The following CYP46A1 variants were observed in gnomAD, a reference collection of about 807,000 sequenced individuals.
CYP46A1 encodes cholesterol 24-hydroxylase.
In CYP46A1, 20 loss-of-function variants were observed where a neutral mutation model predicts 63.3. The observed-to-expected ratio is 0.32, with a 90% CI of 0.22 to 0.46. The LOEUF is 0.46. Among genes scored for constraint, CYP46A1 ranks in the 20% least tolerant of loss-of-function variants. The pLI is 1.00. For synonymous variants in CYP46A1, 268 were observed against 273.6 expected, an observed-to-expected ratio of 0.98 and a Z score of 0.20; for missense variants, 445 against 670.8, an observed-to-expected ratio of 0.66 and a Z score of 3.72.
intron 7 of CYP46A1, among the ~76,000 whole-genome samples, chr14:99,714,701 A>T (rs1199925521): frequency 6.6e-6 from 1 of 151,200 alleles, no homozygotes; most frequent in Non-Finnish European, 1.5e-5. Context: ...TGGAGGTTGC[A>T]GTGAGCTGAG....
At chr14:99,689,990 G>A (rs1197060142) in intron 1 of CYP46A1, among the ~76,000 whole-genome samples, 2 of 152,146 alleles carry the variant, frequency 1.3e-5, no homozygotes, top group Non-Finnish European at 2.9e-5. Context: ...GACCCACCTT[G>A]TACTCTGTTT....
In CYP46A1 at chr14:99,707,592, A is replaced by G. The variant is rs1304479417; in HGVS notation, c.607A>G (p.Met203Val). ...GGCAGCTTTTGGGATGGAGACCAGT[A>G]TGCTGCTGGGTGCCCAGAAGCCTCT... ...AKAAFGMETS[M>V]LLGAQKPLSQ... The change falls in exon 7 of 15, where the codon ATG becomes GTG. Residue 203 changes from methionine to valine, a missense_variant. Physicochemically the swap from Met to Val is conservative, Grantham distance 21. Around this residue, in one of 4 missense-constraint regions of CYP46A1, gnomAD observed 252 missense variants for 383.3 expected, o/e 0.66. Transcript: ENST00000261835. 3.1e-6 allele frequency: 5 copies of G among 1,613,968 alleles called. No homozygotes were observed. Among genetic ancestry groups the G allele is most frequent in the Non-Finnish European group, 3.4e-6 (4 of 1,179,990 alleles).
At chr14:99,705,134 A>T (rs1431174130) in intron 5 of CYP46A1, among the ~76,000 whole-genome samples, 1 of 152,236 alleles carries the variant, frequency 6.6e-6, no homozygotes, top group Non-Finnish European at 1.5e-5. Flanking sequence ...CCCCAGGCTC[A>T]CCTGCTGCCA....
intron 3 of CYP46A1, among the ~76,000 whole-genome samples, chr14:99,692,411 C>T (rs1311121966): frequency 3.3e-5 from 5 of 152,118 alleles, no homozygotes; most frequent in Admixed American, 3.3e-4. Flanking sequence ...TGGTGGCAGG[C>T]ACCTGTAATA....
At chr14:99,726,120 G>A (rs2056893953) in intron 13 of CYP46A1, 70 bp from the exon 14 acceptor site, 4 of 1,405,070 alleles carry the variant, frequency 2.8e-6, no homozygotes, top group South Asian at 2.3e-5. Context: ...GTTAACTACT[G>A]TCTTCCTTAT....
chr14:99,696,267 T>TATTG (rs1322793803), intron 3 of CYP46A1, among the ~76,000 whole-genome samples: 1 of 152,154 alleles, frequency 6.6e-6, no homozygotes, highest in South Asian at 2.1e-4. Context: ...ACTATTGTCT[T>TATTG]ATTGATTGAT....
At position 99,722,472 on chromosome 14, in the gene CYP46A1, T is replaced by G. The variant is rs915311879; in HGVS notation, c.1176+406T>G. ...TCTCTCTCGGCTTTCTCCCCAGACC[T>G]CCTTTATTTTGTGTCTCTTTGTTTG... On this transcript the variant is annotated intron_variant, in intron 12 of 14. Coordinates refer to ENST00000261835, the MANE Select transcript of CYP46A1 (RefSeq NM_006668.2). This position sits in a 1 kb window ranked among gnomAD's most constrained non-coding sequence, Gnocchi z 4.6. 6.6e-6 allele frequency among the ~76,000 whole-genome samples: 1 copy of G among 152,118 alleles called. No individual in the cohort carries two copies. The highest frequency in any genetic ancestry group is 2.4e-5 in the African/African-American group (1 of 41,416).
chr14:99,723,426 G>A (rs554797416), intron 12 of CYP46A1, among the ~76,000 whole-genome samples: 34 of 152,042 alleles, frequency 2.2e-4, no homozygotes, highest in Admixed American at 1.3e-3. Flanking sequence ...CTCGTGCCTC[G>A]GCCTCCCGAG....
chr14:99,725,236 G>A lies in CYP46A1; in HGVS notation c.1177-155G>A, dbSNP rs2056884912. On this transcript the variant is annotated intron_variant, in intron 12 of 14. Transcript: ENST00000261835. The surrounding 1 kb of genome is among the most constrained non-coding windows in gnomAD (Gnocchi z 4.2). ...TTAAGGGATTTTCTAGGGGGCCAGTGCAATGGACACCAACCTAGATGAGGG... is the reference window on the plus strand; with the variant it reads ...TTAAGGGATTTTCTAGGGGGCCAGTACAATGGACACCAACCTAGATGAGGG... 6.6e-6 allele frequency among the ~76,000 whole-genome samples: 1 copy of A among 152,136 alleles called. No homozygotes were observed. Among genetic ancestry groups the A allele is most frequent in the African/African-American group, 2.4e-5 (1 of 41,434 alleles).
intron 7 of CYP46A1, among the ~76,000 whole-genome samples, chr14:99,713,660 C>T (rs2056756696): frequency 6.6e-6 from 1 of 151,982 alleles, no homozygotes; most frequent in South Asian, 2.1e-4. Flanking sequence ...AGGCAGATCA[C>T]TTGAGGGCAG....
Position 99,726,709 on chromosome 14 carries a change from C to A in CYP46A1, c.1485C>A (p.Pro495=). 6 of 1,535,456 alleles carry A rather than the reference C, an allele frequency of 3.9e-6. No homozygotes were observed. Among genetic ancestry groups the A allele is most frequent in the Non-Finnish European group, 4.4e-6 (5 of 1,139,582 alleles). ...GGCCCCGCGGCTGGCAGCCCGCACCCCCACCACCCCCCTGCTGAGGGGGCC... is the reference window on the plus strand; with the variant it reads ...GGCCCCGCGGCTGGCAGCCCGCACCACCACCACCCCCCTGCTGAGGGGGCC... The part of the protein sequence containing the change: ...TLRPRGWQPA[P]PPPPC The change falls in exon 15 of 15, where the codon CCC becomes CCA. Residue 495 remains proline, a synonymous_variant. Transcript: ENST00000261835.
intron 10 of CYP46A1, among the ~76,000 whole-genome samples, chr14:99,719,929 T>A (rs7143049): frequency 0.046 from 6,976 of 151,660 alleles, 507 homozygotes; most frequent in African/African-American, 0.16. Context: ...GCCTGGCTAA[T>A]TTTTTTTGTA....
At chr14:99,693,775 A>T (rs1028037146) in intron 3 of CYP46A1, 2 of 152,182 alleles carry the variant, frequency 1.3e-5, no homozygotes, top group African/African-American at 4.8e-5. Flanking sequence ...TATTTTTTTT[A>T]AGTTACAAAT....
At chr14:99,685,725 G>T (rs190487271) in intron 1 of CYP46A1, among the ~76,000 whole-genome samples, 2 of 152,098 alleles carry the variant, frequency 1.3e-5, no homozygotes, top group African/African-American at 4.8e-5. Context: ...TTAGAAGCCT[G>T]AATCTCTGCT....
At chr14:99,714,875 A>G (rs1446095857) in intron 7 of CYP46A1, among the ~76,000 whole-genome samples, 2 of 152,200 alleles carry the variant, frequency 1.3e-5, no homozygotes, top group Admixed American at 6.5e-5. Context: ...ACTGGAGATC[A>G]TTATGTTAAG....
At chr14:99,710,055 A>T (rs1194700040) in intron 7 of CYP46A1, 1 of 152,192 alleles carries the variant, frequency 6.6e-6, no homozygotes. Context: ...TCACTACTAG[A>T]CTGGCCCTAC....
chr14:99,687,729 A>G lies in CYP46A1; in HGVS notation c.119+3193A>G, dbSNP rs1265066417. ...CCCACTCAGCCAATCATGATGTTGCAGGAAACTGGATGTGCTGGAGAGGTG... is the reference window on the plus strand; with the variant it reads ...CCCACTCAGCCAATCATGATGTTGCGGGAAACTGGATGTGCTGGAGAGGTG... On this transcript the variant is annotated intron_variant, in intron 1 of 14. Transcript: ENST00000261835. Among the ~76,000 whole-genome samples, 3 of 152,232 alleles carry G rather than the reference A, an allele frequency of 2.0e-5. No homozygotes were observed. In the East Asian group the frequency reaches 5.8e-4, roughly 29 times the overall value.
At chr14:99,718,707 C>A (rs929473080) in intron 10 of CYP46A1, among the ~76,000 whole-genome samples, 1 of 152,044 alleles carries the variant, frequency 6.6e-6, no homozygotes, top group Non-Finnish European at 1.5e-5. Flanking sequence ...TCTGAATGCA[C>A]CAACAGGCTG....
At chr14:99,712,738 T>C (rs574482224) in intron 7 of CYP46A1, 1 of 152,186 alleles carries the variant, frequency 6.6e-6, no homozygotes, top group Non-Finnish European at 1.5e-5. Flanking sequence ...AATCTAAAGA[T>C]TCAATGCAAT....
Sources: gnomAD v4.1 joint callset for allele counts (sites outside exome capture counted in the v4.1 genomes callset) on GRCh38, gnomAD v4.1.1 for gene constraint, gnomAD v4.1.1 regional missense constraint, Gnocchi (gnomAD v3.1) non-coding constraint, MANE v1.5 for transcripts, NCBI Gene and HGNC (gene_info 2026-07-23, HGNC 2026-07-21) for gene names.